Variants in SHISA9 observed in about 807,000 individuals in gnomAD.
The protein encoded by SHISA9 is protein shisa-9.
SHISA9 carries 13 observed loss-of-function variants against 38.0 expected under a neutral mutation model. The ratio of observed to expected loss-of-function variants is 0.34; its 90% CI spans 0.22 to 0.54. The LOEUF is 0.54. SHISA9 is among the 20% of genes least tolerant of loss of function. The probability of loss-of-function intolerance (pLI) is 0.91; values close to 1 mark genes in which losing one functional copy is unlikely to be tolerated. For missense variants in SHISA9, 538 were observed against 575.8 expected (o/e 0.93, Z 0.67); for synonymous variants, 275 against 242.0 (o/e 1.14, Z -1.27).
At chr16:13,510,991 C>T in the SHISA9 span, among the ~76,000 whole-genome samples, 5 of 152,178 alleles carry the variant, frequency 3.3e-5, no homozygotes, top group Non-Finnish European at 7.3e-5. Flanking sequence ...TACCATTTCT[C>T]CAGGCACAGG....
chr16:13,401,895 G>T, the SHISA9 span, among the ~76,000 whole-genome samples: 1 of 152,172 alleles, frequency 6.6e-6, no homozygotes, highest in Non-Finnish European at 1.5e-5. Flanking sequence ...AAGGTGGCAG[G>T]CAAGAGAGCC....
chr16:13,003,710 T>A (rs1324245342), intron 2 of SHISA9, among the ~76,000 whole-genome samples: 1 of 151,946 alleles, frequency 6.6e-6, no homozygotes, highest in African/African-American at 2.4e-5. Flanking sequence ...ATACAAAGAT[T>A]AGCCGGGCAT....
At chr16:13,562,183 C>G in the SHISA9 span, among the ~76,000 whole-genome samples, 1 of 152,204 alleles carries the variant, frequency 6.6e-6, no homozygotes, top group Non-Finnish European at 1.5e-5. Context: ...TCTGATTAAC[C>G]TAGCTTGGGT....
chr16:13,097,860 T>C (rs2141954394), intron 2 of SHISA9, among the ~76,000 whole-genome samples: 1 of 152,312 alleles, frequency 6.6e-6, no homozygotes, highest in Admixed American at 6.5e-5. Flanking sequence ...CTTCACCAGG[T>C]TGTCCTGGCC....
intron 2 of SHISA9, among the ~76,000 whole-genome samples, chr16:12,964,717 G>T (rs2071955619): frequency 6.6e-6 from 1 of 152,132 alleles, no homozygotes; most frequent in African/African-American, 2.4e-5. Context: ...CACAATTCAA[G>T]ATCGTGACAG....
At chr16:13,246,071 T>C in the SHISA9 span, among the ~76,000 whole-genome samples, 8 of 152,302 alleles carry the variant, frequency 5.3e-5, no homozygotes, top group South Asian at 1.7e-3. Context: ...AAAAAATCCA[T>C]CCTGTTAGGA....
chr16:12,931,803 T>G (rs1227977304), intron 2 of SHISA9, among the ~76,000 whole-genome samples: 1 of 152,172 alleles, frequency 6.6e-6, no homozygotes, highest in Non-Finnish European at 1.5e-5. Context: ...AAGTTGCCCA[T>G]TTTATTAAGC....
intron 2 of SHISA9, among the ~76,000 whole-genome samples, chr16:13,148,334 C>A (rs2050466195): frequency 6.6e-6 from 1 of 152,096 alleles, no homozygotes; most frequent in Non-Finnish European, 1.5e-5. Context: ...TTCACACACT[C>A]TTTACACACC....
chr16:13,080,934 T>G (rs867818263), intron 2 of SHISA9, among the ~76,000 whole-genome samples: 1 of 152,194 alleles, frequency 6.6e-6, no homozygotes, highest in Admixed American at 6.5e-5. Context: ...TTTGTCACTG[T>G]ATCCTCACAT....
At chr16:13,017,279 C>G (rs545465470) in intron 2 of SHISA9, among the ~76,000 whole-genome samples, 3 of 152,284 alleles carry the variant, frequency 2.0e-5, no homozygotes, top group African/African-American at 7.2e-5. Flanking sequence ...CTTGGCCTCC[C>G]AAAGGGCTGG....
chr16:13,224,231 A>C (rs150329615), intron 4 of SHISA9, among the ~76,000 whole-genome samples: 68 of 152,290 alleles, frequency 4.5e-4, no homozygotes, highest in Non-Finnish European at 7.2e-4. Flanking sequence ...ATATACCCAA[A>C]CAGTCTCTTT....
intron 2 of SHISA9, among the ~76,000 whole-genome samples, chr16:13,071,568 C>G (rs1040665272): frequency 7.3e-6 from 1 of 136,836 alleles, no homozygotes; most frequent in Admixed American, 7.1e-5. Flanking sequence ...TTCCTTCCTT[C>G]CTCCCTTCCT....
the SHISA9 span, among the ~76,000 whole-genome samples, chr16:13,329,901 C>A: frequency 1.3e-5 from 2 of 152,218 alleles, no homozygotes; most frequent in Admixed American, 1.3e-4. Flanking sequence ...GCTCTGAAAT[C>A]ATGCAGTTCC....
At chr16:13,133,214 C>T (rs571805692) in intron 2 of SHISA9, among the ~76,000 whole-genome samples, 2 of 152,288 alleles carry the variant, frequency 1.3e-5, no homozygotes, top group Non-Finnish European at 2.9e-5. Context: ...ATCTTGATTT[C>T]TACCAAGTAT....
chr16:13,405,369 T>C, the SHISA9 span, among the ~76,000 whole-genome samples: 1 of 152,176 alleles, frequency 6.6e-6, no homozygotes, highest in African/African-American at 2.4e-5. Flanking sequence ...TTCTGTGCAG[T>C]GTGCACTCAC....
At chr16:13,129,113 A>G (rs1011457076) in intron 2 of SHISA9, among the ~76,000 whole-genome samples, 4 of 152,212 alleles carry the variant, frequency 2.6e-5, no homozygotes, top group Admixed American at 2.6e-4. Flanking sequence ...TGTTCTAGAA[A>G]GAAGAGTGAA....
At chr16:13,094,841 C>T (rs371797534) in intron 2 of SHISA9, among the ~76,000 whole-genome samples, 18 of 152,186 alleles carry the variant, frequency 1.2e-4, no homozygotes, top group Non-Finnish European at 2.6e-4. Flanking sequence ...GGGCAATTCA[C>T]TTAACCTCTC....
the SHISA9 span, among the ~76,000 whole-genome samples, chr16:13,252,376 T>C: frequency 1.3e-5 from 2 of 152,222 alleles, no homozygotes; most frequent in Admixed American, 6.5e-5. Flanking sequence ...GCTACTGGCA[T>C]GTAGTGCATA....
chr16:12,981,527 C>T (rs1039570210), intron 2 of SHISA9, among the ~76,000 whole-genome samples: 7 of 152,196 alleles, frequency 4.6e-5, no homozygotes, highest in African/African-American at 1.7e-4. Flanking sequence ...ACCACAGGTC[C>T]TCTGCTTTCC....
Sources: gnomAD v4.1 joint callset for allele counts (sites outside exome capture counted in the v4.1 genomes callset) on GRCh38, gnomAD v4.1.1 for gene constraint, MANE v1.5 for transcripts, NCBI Gene and HGNC (gene_info 2026-07-23, HGNC 2026-07-21) for gene names.